Variants in ABR observed in about 807,000 individuals in gnomAD.
The protein encoded by ABR is active breakpoint cluster region-related protein.
A neutral mutation model predicts 107.2 loss-of-function variants in ABR; 35 were observed. The ratio of observed to expected loss-of-function variants is 0.33; its 90% CI spans 0.25 to 0.43. ABR has a LOEUF of 0.43. Ranked by LOEUF, ABR falls within the 20% of genes least tolerant of loss-of-function variation. The pLI is 1.00. For synonymous variants in ABR, 498 were observed against 462.0 expected, an observed-to-expected ratio of 1.08 and a Z score of -1.00; for missense variants, 815 against 1,115.2, an observed-to-expected ratio of 0.73 and a Z score of 3.83.
At chr17:1,152,344 C>G (rs2040833739) in intron 1 of ABR, among the ~76,000 whole-genome samples, 1 of 150,426 alleles carries the variant, frequency 6.6e-6, no homozygotes, top group African/African-American at 2.5e-5. Context: ...AATCCCAGCA[C>G]TTTGGGAGGC....
chr17:1,204,316 G>A (rs1301885702), intron 1 of ABR, among the ~76,000 whole-genome samples: 6 of 152,148 alleles, frequency 3.9e-5, no homozygotes, highest in Admixed American at 6.5e-5. Flanking sequence ...GTGGTGGTGC[G>A]CGCCTGTAAT....
At chr17:1,023,950 A>T (rs186177298) in intron 16 of ABR, among the ~76,000 whole-genome samples, 13 of 140,572 alleles carry the variant, frequency 9.2e-5, no homozygotes, top group Middle Eastern at 7.8e-3. Context: ...GCTTGAACCC[A>T]GGAGGCGGAG....
intron 3 of ABR, among the ~76,000 whole-genome samples, chr17:1,094,424 G>C (rs2037262786): frequency 6.6e-6 from 1 of 150,414 alleles, no homozygotes; most frequent in African/African-American, 2.5e-5. Flanking sequence ...AGGCTGGAGT[G>C]CAATAGTGCA....
chr17:1,152,522 TG>T (rs1259488231), intron 1 of ABR, among the ~76,000 whole-genome samples: 1 of 148,128 alleles, frequency 6.8e-6, no homozygotes, highest in Non-Finnish European at 1.5e-5. Context: ...GTCCAGGAGG[TG>T]GAAGTTACAG....
intron 16 of ABR, among the ~76,000 whole-genome samples, chr17:1,018,143 CG>C (rs1357980727): frequency 6.6e-6 from 1 of 151,954 alleles, no homozygotes; most frequent in Non-Finnish European, 1.5e-5. Context: ...CCCGGGTTCA[CG>C]CCATTCTCCT....
At chr17:1,015,156 C>T (rs2150764014) in intron 16 of ABR, among the ~76,000 whole-genome samples, 3 of 152,150 alleles carry the variant, frequency 2.0e-5, no homozygotes, top group Non-Finnish European at 4.4e-5. Flanking sequence ...GTGGCTCACG[C>T]CTGTAATCCC....
rs141274754 is a variant in ABR at position 1,017,571 on chromosome 17, G to A, written c.1792-4407C>T. Reference sequence around the variant, plus strand: ...TGCAACCCGTCTCCCAGGTTCAACCGATTCTTCTGCCTCAGCCTCCCAATT... The same window carrying A: ...TGCAACCCGTCTCCCAGGTTCAACCAATTCTTCTGCCTCAGCCTCCCAATT... On this transcript the variant is annotated intron_variant, in intron 16 of 22. Coordinates refer to ENST00000302538, the MANE Select transcript of ABR (RefSeq NM_021962.5). Among the ~76,000 whole-genome samples the A allele has an allele frequency of 1.6e-3, 240 of 148,416 alleles. 4 individuals are homozygous for A. The highest frequency in any genetic ancestry group is 5.5e-3 in the African/African-American group (220 of 40,002).
At position 1,204,280 on chromosome 17, in the gene ABR, A is replaced by G. The variant is rs140368570; in HGVS notation, c.838+24513T>C. On this transcript the variant is annotated intron_variant, in intron 1 of 22. Transcript: ENST00000574139. ...GACGGCATGGTGAAACCCCGTCTCT[A>G]CTAAAATACAAAACATTATCCGGGC... Among the ~76,000 whole-genome samples the G allele has an allele frequency of 9.2e-3, 1,401 of 152,320 alleles. 23 individuals are homozygous for G. Among genetic ancestry groups the G allele is most frequent in the African/African-American group, 0.031 (1,289 of 41,574 alleles).
intron 6 of ABR, 62 bp from the exon 7 acceptor site, chr17:1,073,739 A>G (rs2035447290): frequency 4.1e-6 from 6 of 1,460,518 alleles, no homozygotes; most frequent in Admixed American, 2.1e-5. Context: ...CCAACACCCC[A>G]GAGACCAGCT....
intron 1 of ABR, among the ~76,000 whole-genome samples, chr17:1,152,089 A>C (rs1379286649): frequency 6.6e-6 from 1 of 151,534 alleles, no homozygotes; most frequent in Admixed American, 6.6e-5. Context: ...GGAAATCGAG[A>C]CCATCCTGGT....
At chr17:1,057,736 C>T (rs189502365) in intron 12 of ABR, 56 of 499,056 alleles carry the variant, frequency 1.1e-4, no homozygotes, top group Middle Eastern at 1.2e-3. Context: ...AGAGAGAAAG[C>T]CCAGGCTGGG....
upstream of ABR, among the ~76,000 whole-genome samples, chr17:1,191,236 G>A (rs561115680): frequency 3.4e-3 from 519 of 152,242 alleles, no homozygotes; most frequent in Non-Finnish European, 5.7e-3. Context: ...CACCCCAGCA[G>A]ACGGCGGTTG....
chr17:1,181,329 C>T (rs1311277899), upstream of ABR, among the ~76,000 whole-genome samples: 1 of 152,214 alleles, frequency 6.6e-6, no homozygotes, highest in Non-Finnish European at 1.5e-5. Context: ...GGGTCACCCA[C>T]TCATCACAGG....
chr17:1,059,949 A>G (rs1161468546), intron 10 of ABR, among the ~76,000 whole-genome samples: 5 of 151,920 alleles, frequency 3.3e-5, no homozygotes, highest in Non-Finnish European at 5.9e-5. Flanking sequence ...TTAAGCGCAC[A>G]CTCACCCTGC....
intron 2 of ABR, among the ~76,000 whole-genome samples, chr17:1,117,736 G>A (rs192557707): frequency 1.5e-5 from 1 of 66,052 alleles, no homozygotes; most frequent in Non-Finnish European, 3.0e-5. Context: ...TCTCCCCAGC[G>A]TTAACCCTGA....
chr17:1,061,349 G>C (rs1567677059), intron 10 of ABR, among the ~76,000 whole-genome samples: 1 of 152,204 alleles, frequency 6.6e-6, no homozygotes, highest in Admixed American at 6.5e-5. Context: ...GGGGACAGCT[G>C]TGCTGGCGAG....
At chr17:1,214,049 G>A (rs185157943) in intron 1 of ABR, among the ~76,000 whole-genome samples, 31 of 151,972 alleles carry the variant, frequency 2.0e-4, no homozygotes, top group African/African-American at 6.0e-4. Context: ...CACCACGCCC[G>A]GCTAATTTTG....
At chr17:1,152,676 C>T (rs949223737) in intron 1 of ABR, among the ~76,000 whole-genome samples, 1 of 152,094 alleles carries the variant, frequency 6.6e-6, no homozygotes, top group Non-Finnish European at 1.5e-5. Context: ...AGACTTTTTA[C>T]CTCCTTTCCC....
chr17:1,019,210 T>G (rs901624622), intron 16 of ABR, among the ~76,000 whole-genome samples: 1 of 152,162 alleles, frequency 6.6e-6, no homozygotes, highest in African/African-American at 2.4e-5. Flanking sequence ...CACCTCCTGA[T>G]GCTAAGGCCC....
Sources: gnomAD v4.1 joint callset for allele counts (sites outside exome capture counted in the v4.1 genomes callset) on GRCh38, gnomAD v4.1.1 for gene constraint, MANE v1.5 for transcripts, NCBI Gene and HGNC (gene_info 2026-07-23, HGNC 2026-07-21) for gene names.